The following FOXP4 variants were observed in gnomAD, a reference collection of about 807,000 sequenced individuals.
FOXP4 encodes forkhead box protein P4.
Under a neutral mutation model 82.6 loss-of-function variants are expected in FOXP4, and 25 were observed. That is an observed-to-expected ratio of 0.30 (90% CI 0.22 to 0.42). The LOEUF (loss-of-function observed/expected upper bound fraction) is 0.42. Among genes scored for constraint, FOXP4 ranks in the 10% least tolerant of loss-of-function variants. The probability of loss-of-function intolerance (pLI) is 1.00; values close to 1 mark genes in which losing one functional copy is unlikely to be tolerated. For missense variants in FOXP4, 785 were observed against 900.9 expected, an observed-to-expected ratio of 0.87 and a Z score of 1.65; for synonymous variants, 415 against 388.2, an observed-to-expected ratio of 1.07 and a Z score of -0.81.
intron 2 of FOXP4, among the ~76,000 whole-genome samples, chr6:41,575,451 G>A (rs1017765203): frequency 1.6e-4 from 24 of 152,058 alleles, no homozygotes; most frequent in African/African-American, 5.1e-4. Flanking sequence ...ATGGTGGGAA[G>A]CTGAGGGAGG....
At chr6:41,586,814 G>A (rs1368770374) in intron 5 of FOXP4, among the ~76,000 whole-genome samples, 195 bp from the exon 6 acceptor site, 1 of 152,158 alleles carries the variant, frequency 6.6e-6, no homozygotes, top group Non-Finnish European at 1.5e-5. Flanking sequence ...GCGTGCATGC[G>A]TGTGTTTACT....
At chr6:41,589,922 C>T in intron 10 of FOXP4, 41 bp from the exon 11 acceptor site, 1 of 1,610,978 alleles carries the variant, frequency 6.2e-7, no homozygotes, top group South Asian at 1.1e-5. Context: ...GGGACCCCCA[C>T]CCTCGGGCAC....
At position 41,586,786 on chromosome 6, in the gene FOXP4, T is replaced by G. The variant is rs961704730; in HGVS notation, c.511-223T>G. Among the ~76,000 whole-genome samples the G allele has an allele frequency of 8.5e-5, 13 of 152,088 alleles. No individual in the cohort carries two copies. The East Asian group carries it at 1.2e-3, about 14-fold the overall frequency. On this transcript the variant is annotated intron_variant, in intron 5 of 16. Transcript: ENST00000307972. ...CGTGTCTGGGTCTGGCTGTGTGTGT[T>G]TGCGCGCGTGCGTGCGTGCGTGCAT...
chr6:41,548,160 CG>C (rs1763771094), intron 1 of FOXP4, among the ~76,000 whole-genome samples: 1 of 152,186 alleles, frequency 6.6e-6, no homozygotes, highest in Non-Finnish European at 1.5e-5. Context: ...AGCCCCCTCC[CG>C]GCTGGTTTCC....
chr6:41,549,864 C>T (rs1216729550), intron 1 of FOXP4, among the ~76,000 whole-genome samples: 2 of 152,164 alleles, frequency 1.3e-5, no homozygotes, highest in East Asian at 1.9e-4. Context: ...TACCCCACTG[C>T]CTTGGCGGTT....
chr6:41,599,123 C>T lies in FOXP4; in HGVS notation c.*187C>T. ...CGTAGGGGCAGGGACGGTCCCCACC[C>T]CCAGGGACACAACCCCTGGTCTTGG... is the stretch of plus-strand genomic sequence containing the variant. On this transcript the variant is annotated 3_prime_UTR_variant, in exon 17 of 17. Coordinates refer to ENST00000307972, the MANE Select transcript of FOXP4 (RefSeq NM_001012426.2). 1.4e-6 allele frequency: 1 copy of T among 721,698 alleles called. No individual in the cohort carries two copies. The highest frequency in any genetic ancestry group is 2.2e-6 in the Non-Finnish European group (1 of 453,354). 44.7% of individuals were successfully genotyped at this position (721,698 alleles called of 1,614,324 possible). A position where few individuals can be genotyped will look rare whatever the true frequency, so the allele number is the denominator to read the frequency against.
chr6:41,566,922 T>G (rs562154279), intron 2 of FOXP4, among the ~76,000 whole-genome samples: 1 of 151,906 alleles, frequency 6.6e-6, no homozygotes, highest in South Asian at 2.3e-4. Flanking sequence ...AGTACCCTCA[T>G]GTGCTCCTCC....
chr6:41,589,462 G>GGGTA, intron 9 of FOXP4, among the ~76,000 whole-genome samples: 1 of 152,344 alleles, frequency 6.6e-6, no homozygotes, highest in Non-Finnish European at 1.5e-5. Flanking sequence ...CCCCGTGGGT[G>GGGTA]GGTAGGAAGA....
rs1246299488 is a variant in FOXP4 at position 41,546,751 on chromosome 6, C to A, written c.-133C>A. The A allele has an allele frequency of 2.7e-5, 4 of 146,512 alleles. No individual in the cohort carries two copies. 9.1% of individuals were successfully genotyped at this position (146,512 alleles called of 1,614,324 possible). ...CGCCCGGGAGCTGCGCGACGCGGGG[C>A]GGCGCGGAAGGGCAGCCCCGGCGGG... On this transcript the variant is annotated 5_prime_UTR_variant, in exon 1 of 17. Coordinates refer to ENST00000307972, the MANE Select transcript of FOXP4 (RefSeq NM_001012426.2).
At chr6:41,575,387 G>A (rs996943034) in intron 2 of FOXP4, among the ~76,000 whole-genome samples, 1 of 152,164 alleles carries the variant, frequency 6.6e-6, no homozygotes, top group African/African-American at 2.4e-5. Flanking sequence ...GCACGCAGCA[G>A]GTACTTCATA....
Position 41,600,367 on chromosome 6 carries a change from A to C in FOXP4, c.*1431A>C, listed in dbSNP as rs1056480340. On this transcript the variant is annotated 3_prime_UTR_variant, in exon 17 of 17. Coordinates refer to ENST00000307972, the MANE Select transcript of FOXP4 (RefSeq NM_001012426.2). ...GGATTCTAGCAAAAGAGCTGGAAAA[A>C]AGTCAGACTCTCCACAGACCCCCTA... 6.6e-6 allele frequency: 1 copy of C among 152,630 alleles called. No individual in the cohort carries two copies. The highest frequency in any genetic ancestry group is 1.5e-5 in the Non-Finnish European group (1 of 68,178). The allele number at this position is 152,630 out of a possible 1,614,324, so 9.5% of individuals were successfully genotyped here.
At chr6:41,554,889 C>G (rs995796362) in intron 1 of FOXP4, among the ~76,000 whole-genome samples, 1 of 151,442 alleles carries the variant, frequency 6.6e-6, no homozygotes, top group African/African-American at 2.4e-5. Context: ...AGGGTCTGTA[C>G]AAGAAGATCT....
chr6:41,568,895 G>A (rs561272134), intron 2 of FOXP4, among the ~76,000 whole-genome samples: 4 of 152,352 alleles, frequency 2.6e-5, no homozygotes, highest in African/African-American at 7.2e-5. Context: ...GGGTGGCCAC[G>A]TCACTTTGGA....
rs758545129 is a variant in FOXP4 at position 41,585,446 on chromosome 6, A to C, written c.439A>C (p.Lys147Gln). Residue 147 changes from lysine (K) to glutamine (Q), a missense_variant, in exon 5 of 17, where the codon AAG (lysine) becomes CAG (glutamine). Coordinates refer to ENST00000307972, the MANE Select transcript of FOXP4 (RefSeq NM_001012426.2). ...LMLQQLQEYYKKQQEQLHLQL... is the reference protein window; with the variant it reads ...LMLQQLQEYYQKQQEQLHLQL... ...ACCCCCCCAGCTACAGGAGTACTAC[A>C]AGAAGCAGCAGGAGCAGCTCCACCT... The C allele has an allele frequency of 6.2e-7, 1 of 1,613,798 alleles. No individual in the cohort carries two copies. The highest frequency in any genetic ancestry group is 8.5e-7 in the Non-Finnish European group (1 of 1,179,864).
At chr6:41,569,674 G>A (rs1007935235) in intron 2 of FOXP4, among the ~76,000 whole-genome samples, 3 of 152,204 alleles carry the variant, frequency 2.0e-5, no homozygotes, top group Non-Finnish European at 2.9e-5. Flanking sequence ...TGGCGGCGGT[G>A]CTGAGGCCAC....
chr6:41,594,644 T>C (rs1358303866), intron 13 of FOXP4, among the ~76,000 whole-genome samples: 1 of 152,056 alleles, frequency 6.6e-6, no homozygotes, highest in Non-Finnish European at 1.5e-5. Flanking sequence ...GCTAATAAAA[T>C]GGGTCATCCA....
At chr6:41,547,429 G>A (rs1484714808) in intron 1 of FOXP4, 3 of 152,226 alleles carry the variant, frequency 2.0e-5, no homozygotes, top group Non-Finnish European at 2.9e-5. Context: ...AGATGAAAAT[G>A]GGGGCAAGAG....
chr6:41,556,126 G>A (rs1403170067), intron 1 of FOXP4, among the ~76,000 whole-genome samples: 1 of 152,004 alleles, frequency 6.6e-6, no homozygotes, highest in South Asian at 2.1e-4. Context: ...GAGTTAGGAC[G>A]CGGGGAGGAG....
At chr6:41,562,491 C>T (rs75193031) in intron 1 of FOXP4, among the ~76,000 whole-genome samples, 1 of 151,320 alleles carries the variant, frequency 6.6e-6, no homozygotes, top group East Asian at 1.9e-4. Context: ...CTCTGTATGC[C>T]CCCCCCATAA....
Sources: allele counts gnomAD v4.1 joint callset (sites outside exome capture counted in the v4.1 genomes callset), GRCh38; gene constraint gnomAD v4.1.1; transcripts MANE v1.5; gene names NCBI Gene and HGNC (gene_info 2026-07-23, HGNC 2026-07-21).